PTPRJ: variants seen among roughly 807,000 people sequenced by gnomAD.
PTPRJ encodes protein tyrosine phosphatase receptor type J, also known as receptor-type tyrosine-protein phosphatase eta.
PTPRJ carries 129 observed loss-of-function variants against 141.3 expected under a neutral mutation model. The ratio of observed to expected loss-of-function variants is 0.91; its 90% CI spans 0.79 to 1.06. PTPRJ has a LOEUF of 1.06. Among genes scored for constraint, PTPRJ ranks in the 50% least tolerant of loss-of-function variants. The probability of loss-of-function intolerance (pLI) is 0.00; values close to 1 mark genes in which losing one functional copy is unlikely to be tolerated. For synonymous variants in PTPRJ, 610 were observed against 640.5 expected (o/e 0.95, Z 0.72); for missense variants, 1,601 against 1,679.7 (o/e 0.95, Z 0.82).
chr11:48,140,568 G>A (rs1250795067), intron 11 of PTPRJ, among the ~76,000 whole-genome samples: 1 of 152,210 alleles, frequency 6.6e-6, no homozygotes, highest in African/African-American at 2.4e-5. Context: ...GCAGGAGCCT[G>A]TGCTAGCAGT....
At chr11:48,114,283 C>A (rs1856508902) in intron 3 of PTPRJ, among the ~76,000 whole-genome samples, 1 of 151,608 alleles carries the variant, frequency 6.6e-6, no homozygotes, top group Non-Finnish European at 1.5e-5. Context: ...GTTAAAAATA[C>A]AAAAATTAGC....
intron 1 of PTPRJ, among the ~76,000 whole-genome samples, chr11:47,985,502 G>T (rs1055408245): frequency 6.6e-6 from 1 of 151,862 alleles, no homozygotes; most frequent in Non-Finnish European, 1.5e-5. Flanking sequence ...GTATACTTCT[G>T]GAATCTTCAC....
intron 2 of PTPRJ, among the ~76,000 whole-genome samples, chr11:48,110,310 G>A (rs1305201088): frequency 6.6e-6 from 1 of 152,098 alleles, no homozygotes; most frequent in African/African-American, 2.4e-5. Flanking sequence ...GGGTTCAAGT[G>A]ATTCTCCTGC....
chr11:47,987,756 C>T (rs939720597), intron 1 of PTPRJ, among the ~76,000 whole-genome samples: 2 of 152,148 alleles, frequency 1.3e-5, no homozygotes, highest in African/African-American at 2.4e-5. Context: ...GGTGCCCCCT[C>T]GGAGGACAGG....
intron 19 of PTPRJ, 139 bp downstream of exon 19, chr11:48,154,025 C>A: frequency 1.4e-6 from 1 of 692,742 alleles, no homozygotes; most frequent in Non-Finnish European, 2.6e-6. Context: ...CACAACCATC[C>A]ATTATTCACC....
rs1046857623 is a variant in PTPRJ, at chr11:47,980,591, C to T, written c.-322C>T. 2.7e-5 allele frequency: 27 copies of T among 982,966 alleles called. No individual in the cohort carries two copies. In the Admixed American group the frequency reaches 7.5e-4, roughly 27 times the overall value. The allele number at this position is 982,966 out of a possible 1,614,324, so 60.9% of individuals were successfully genotyped here. A position where few individuals can be genotyped will look rare whatever the true frequency, so the allele number is the denominator to read the frequency against. On this transcript the variant is annotated 5_prime_UTR_variant, in exon 1 of 25. Coordinates refer to ENST00000418331, the MANE Select transcript of PTPRJ (RefSeq NM_002843.4). ...GCCGCATGACGCGCGGAGGAGGCAG[C>T]GGGAGCAGCCGCGGGAGCCGGGACC...
intron 1 of PTPRJ, among the ~76,000 whole-genome samples, chr11:48,001,515 A>G (rs1434296475): frequency 6.6e-6 from 1 of 152,048 alleles, no homozygotes; most frequent in Non-Finnish European, 1.5e-5. Context: ...ATCTTGGGAC[A>G]TTACTAACCT....
In PTPRJ at chr11:48,121,019, T is replaced by G. The variant is rs140851526; in HGVS notation, c.369T>G (p.Phe123Leu). 3.9e-5 allele frequency: 63 copies of G among 1,601,772 alleles called. No individual in the cohort carries two copies. In the Middle Eastern group the frequency reaches 4.1e-3, roughly 105 times the overall value. ...ACAATATAGGGCCCAGTCCTGTGTT[T>G]GACATTAAAGCTGTTTCCATCAGTC... ...TPSSTGPSPVFDIKAVSISPT... is the reference protein window; with the variant it reads ...TPSSTGPSPVLDIKAVSISPT... Residue 123 changes from phenylalanine to leucine, a missense_variant, in exon 4 of 25, where the codon TTT becomes TTG. Coordinates refer to ENST00000418331, the MANE Select transcript of PTPRJ (RefSeq NM_002843.4).
Position 48,167,465 on chromosome 11 carries a change from C to A in PTPRJ, c.*103C>A. 7.5e-7 allele frequency: 1 copy of A among 1,327,502 alleles called. No individual in the cohort carries two copies. The highest frequency in any genetic ancestry group is 1.0e-6 in the Non-Finnish European group (1 of 972,192). The allele number at this position is 1,327,502 out of a possible 1,614,324, so 82.2% of individuals were successfully genotyped here. A position where few individuals can be genotyped will look rare whatever the true frequency, so the allele number is the denominator to read the frequency against. On this transcript the variant is annotated 3_prime_UTR_variant, in exon 25 of 25. Transcript: ENST00000418331. ...TTTTTATATGTCTAATATCTTAATT[C>A]TTTGTTCTGTTTTGTGAGAACTAAT...
chr11:48,016,013 A>G (rs910812457), intron 1 of PTPRJ, among the ~76,000 whole-genome samples: 1 of 152,104 alleles, frequency 6.6e-6, no homozygotes. Flanking sequence ...ATCCACTGCA[A>G]GGTTCCTTTG....
chr11:48,167,470 TTC>T lies in PTPRJ; in HGVS notation c.*110_*111del. On this transcript the variant is annotated 3_prime_UTR_variant, in exon 25 of 25. Coordinates refer to ENST00000418331, the MANE Select transcript of PTPRJ (RefSeq NM_002843.4). ...ATATGTCTAATATCTTAATTCTTTG[TTC>T]TGTTTTGTGAGAACTAATTTTGAGG... 7.6e-7 allele frequency: 1 copy of T among 1,309,672 alleles called. No homozygotes were observed. Among genetic ancestry groups the T allele is most frequent in the East Asian group, 2.4e-5 (1 of 40,840 alleles). 81.1% of individuals were successfully genotyped at this position (1,309,672 alleles called of 1,614,324 possible).
chr11:48,085,249 ATC>A (rs1236543575), intron 1 of PTPRJ, among the ~76,000 whole-genome samples: 1 of 105,392 alleles, frequency 9.5e-6, no homozygotes, highest in African/African-American at 2.7e-5. Flanking sequence ...AAATAATGCT[ATC>A]TCTCTCACTT....
At position 48,164,558 on chromosome 11, in the gene PTPRJ, A is replaced by ATTTTTTTT. The variant is rs60806872; in HGVS notation, c.3855+62_3855+69dup. ...ATTTGACATTCCACCCTTCCCCTCC[A>ATTTTTTTT]TTTTTTTTTTTTTTTTTTTTTTTTT... is the stretch of plus-strand genomic sequence containing the variant. On this transcript the variant is annotated intron_variant, in intron 24 of 24. Coordinates refer to ENST00000418331, the MANE Select transcript of PTPRJ (RefSeq NM_002843.4). 54 of 774,320 alleles carry ATTTTTTTT rather than the reference A, an allele frequency of 7.0e-5. 2 individuals are homozygous for ATTTTTTTT. The highest frequency in any genetic ancestry group is 2.1e-4 in the South Asian group (8 of 37,226). 48.0% of individuals were successfully genotyped at this position (774,320 alleles called of 1,614,324 possible). A position where few individuals can be genotyped will look rare whatever the true frequency, so the allele number is the denominator to read the frequency against.
chr11:48,090,657 G>A (rs949719866), intron 1 of PTPRJ, among the ~76,000 whole-genome samples: 11 of 152,148 alleles, frequency 7.2e-5, no homozygotes, highest in African/African-American at 1.9e-4. Flanking sequence ...TGTTTGAAAC[G>A]GTCAGAATGT....
chr11:48,047,655 A>C (rs533143271), intron 1 of PTPRJ, among the ~76,000 whole-genome samples: 1 of 152,202 alleles, frequency 6.6e-6, no homozygotes, highest in Admixed American at 6.5e-5. Flanking sequence ...GGCGCGTGCC[A>C]CCATGCCTGG....
At chr11:48,066,090 G>A (rs1459194518) in intron 1 of PTPRJ, among the ~76,000 whole-genome samples, 1 of 152,178 alleles carries the variant, frequency 6.6e-6, no homozygotes, top group Non-Finnish European at 1.5e-5. Context: ...AGACTGCAGT[G>A]AGCTCTATAG....
In PTPRJ at chr11:48,123,706, G is replaced by A. The variant is rs768693267; in HGVS notation, c.710G>A (p.Arg237Gln). 3.1e-6 allele frequency: 5 copies of A among 1,614,138 alleles called. No homozygotes were observed. Among genetic ancestry groups the A allele is most frequent in the Admixed American group, 1.7e-5 (1 of 60,006 alleles). The change falls in exon 5 of 25, where the codon CGG (arginine) becomes CAG (glutamine). Residue 237 changes from arginine to glutamine, a missense_variant. Physicochemically the swap from Arg to Gln is conservative, Grantham distance 43. Transcript: ENST00000418331. ...AATGGCAATGGCACTGCCTCCTGCCGGGTTCTTCTTGAAAGCATTGGAAGC... is the reference window on the plus strand; with the variant it reads ...AATGGCAATGGCACTGCCTCCTGCCAGGTTCTTCTTGAAAGCATTGGAAGC... ...WSNGNGTASC[R>Q]VLLESIGSHE... is the part of the protein sequence containing the mutation.
intron 1 of PTPRJ, among the ~76,000 whole-genome samples, chr11:48,053,003 C>T (rs950028800): frequency 4.8e-5 from 7 of 147,086 alleles, no homozygotes; most frequent in Admixed American, 3.5e-4. Flanking sequence ...CACCACTCAT[C>T]GCCAGCCCTT....
At chr11:48,121,479 C>G (rs1856707587) in intron 4 of PTPRJ, among the ~76,000 whole-genome samples, 1 of 152,196 alleles carries the variant, frequency 6.6e-6, no homozygotes, top group African/African-American at 2.4e-5. Context: ...CTAACTACTT[C>G]TGTTTGGTTT....
Sources: gnomAD v4.1 joint callset for allele counts (sites outside exome capture counted in the v4.1 genomes callset) on GRCh38, gnomAD v4.1.1 for gene constraint, MANE v1.5 for transcripts, NCBI Gene and HGNC (gene_info 2026-07-23, HGNC 2026-07-21) for gene names.